The following MYOM1 variants were observed in gnomAD, a reference collection of about 807,000 sequenced individuals.
MYOM1 encodes the protein myomesin-1.
MYOM1 carries 164 observed loss-of-function variants against 205.3 expected under a neutral mutation model. That is an observed-to-expected ratio of 0.80 (90% CI 0.70 to 0.91). MYOM1 has a LOEUF of 0.91. MYOM1 is among the 40% of genes least tolerant of loss of function. The probability of loss-of-function intolerance (pLI) is 0.00; values close to 1 mark genes in which losing one functional copy is unlikely to be tolerated. For synonymous variants in MYOM1, 772 were observed against 789.4 expected (o/e 0.98, Z 0.37); for missense variants, 2,011 against 2,127.3 (o/e 0.95, Z 1.08).
At chr18:3,196,018 G>A (rs965613822) in intron 2 of MYOM1, among the ~76,000 whole-genome samples, 8 of 152,036 alleles carry the variant, frequency 5.3e-5, no homozygotes, top group African/African-American at 1.2e-4. Context: ...CTTAGAAAAC[G>A]CAAGATCTTC....
chr18:3,138,500 G>A (rs1404743889), intron 14 of MYOM1, among the ~76,000 whole-genome samples: 7 of 152,104 alleles, frequency 4.6e-5, no homozygotes, highest in East Asian at 3.9e-4. Context: ...TCTATGAAAC[G>A]AGCAAATTTG....
In MYOM1 at chr18:3,116,384, C is replaced by A; in HGVS notation, c.3250G>T (p.Glu1084Ter). 1.9e-6 allele frequency: 3 copies of A among 1,613,448 alleles called. No individual in the cohort carries two copies. Among genetic ancestry groups the A allele is most frequent in the Non-Finnish European group, 2.5e-6 (3 of 1,179,798 alleles). Residue 1084 changes from glutamate (E) to a stop codon, truncating the protein, a stop_gained, in exon 21 of 38, where the codon GAA (glutamate) becomes TAA (stop). Coordinates refer to ENST00000356443, the MANE Select transcript of MYOM1 (RefSeq NM_003803.4). LOFTEE classifies it high-confidence loss of function. ...FVDLKEAKAK[E>*]DQWRGLNEAA... ...TCATTGAGCCCTCGCCACTGGTCTT[C>A]TTTGGCCTTGGCCTCCTTCAAGTCC... is the stretch of plus-strand genomic sequence containing the variant.
At chr18:3,084,362 C>A (rs1301012672) in intron 31 of MYOM1, among the ~76,000 whole-genome samples, 1 of 151,888 alleles carries the variant, frequency 6.6e-6, no homozygotes, top group African/African-American at 2.4e-5. Context: ...CCTTAGTTTA[C>A]ATTAGAGGAC....
intron 23 of MYOM1, among the ~76,000 whole-genome samples, chr18:3,101,786 T>A (rs1205716879): frequency 3.9e-5 from 6 of 152,094 alleles, no homozygotes; most frequent in Non-Finnish European, 8.8e-5. Context: ...TCTAATAGCA[T>A]AAATGAGATA....
chr18:3,111,363 C>T (rs1309535795), intron 22 of MYOM1, among the ~76,000 whole-genome samples: 1 of 151,948 alleles, frequency 6.6e-6, no homozygotes. Flanking sequence ...GGACAATGAA[C>T]ACAGTAAACT....
intron 22 of MYOM1, among the ~76,000 whole-genome samples, chr18:3,106,299 C>T (rs931551737): frequency 6.6e-6 from 1 of 152,084 alleles, no homozygotes; most frequent in East Asian, 1.9e-4. Flanking sequence ...TAAAGCATTT[C>T]GAGATCTTTT....
chr18:3,107,208 C>G (rs376225069), intron 22 of MYOM1, among the ~76,000 whole-genome samples: 1 of 152,118 alleles, frequency 6.6e-6, no homozygotes. Flanking sequence ...ACCTCTGTCT[C>G]CTGGGTTCAA....
chr18:3,163,773 C>T (rs4798069), intron 10 of MYOM1, among the ~76,000 whole-genome samples: 56,031 of 151,816 alleles, frequency 0.37, 10,679 homozygotes, highest in African/African-American at 0.45. Context: ...TGGAAACGAA[C>T]ATATTCTTAT....
intron 36 of MYOM1, among the ~76,000 whole-genome samples, chr18:3,074,453 G>C (rs1329143744): frequency 1.3e-5 from 2 of 152,236 alleles, no homozygotes; most frequent in East Asian, 3.9e-4. Context: ...TACCATTTTA[G>C]CCTGTAACAA....
chr18:3,068,852 G>A (rs1166882212), intron 37 of MYOM1, among the ~76,000 whole-genome samples: 2 of 152,152 alleles, frequency 1.3e-5, no homozygotes, highest in Non-Finnish European at 2.9e-5. Context: ...GTGAGCATAA[G>A]CTGTCATTTC....
In MYOM1 at chr18:3,135,394, T is replaced by G; in HGVS notation, c.2209+153A>C. ...ACTTTTCATAAACAAAAATAATGAA[T>G]TTTTGTTTAATGTATAGGTTAAGTA... On this transcript the variant is annotated intron_variant, in intron 15 of 37. Coordinates refer to ENST00000356443, the MANE Select transcript of MYOM1 (RefSeq NM_003803.4). This position sits in a 1 kb window ranked among gnomAD's most constrained non-coding sequence, Gnocchi z 4.1. The G allele has an allele frequency of 1.7e-6, 1 of 589,184 alleles. No individual in the cohort carries two copies. Among genetic ancestry groups the G allele is most frequent in the Non-Finnish European group, 2.8e-6 (1 of 359,598 alleles). The allele number at this position is 589,184 out of a possible 1,614,324, so 36.5% of individuals were successfully genotyped here.
At chr18:3,237,741 T>TA in the MYOM1 span, among the ~76,000 whole-genome samples, 9 of 151,928 alleles carry the variant, frequency 5.9e-5, no homozygotes, top group African/African-American at 1.7e-4. Context: ...ATGAAATACT[T>TA]AGAGTGGCCA....
intron 5 of MYOM1, among the ~76,000 whole-genome samples, chr18:3,178,831 T>G (rs980577066): frequency 6.6e-6 from 1 of 152,176 alleles, no homozygotes; most frequent in African/African-American, 2.4e-5. Flanking sequence ...TTCTATTATG[T>G]TGCCAAACCT....
chr18:3,145,508 G>C (rs2080111890), intron 13 of MYOM1, among the ~76,000 whole-genome samples: 1 of 151,920 alleles, frequency 6.6e-6, no homozygotes, highest in African/African-American at 2.4e-5. Flanking sequence ...CAAATATTTA[G>C]TAACTAAATA....
chr18:3,079,261 G>GA lies in MYOM1; in HGVS notation c.4565_4566insT (p.Asn1524GlufsTer2). ...TGACATACTTCCCTTTGTCATTCGG[G>GA]GTGGGCTCGTTGATTTGTAGCCAGA... On this transcript the variant is annotated frameshift_variant, in exon 34 of 38. Coordinates refer to ENST00000356443, the MANE Select transcript of MYOM1 (RefSeq NM_003803.4). LOFTEE classifies it high-confidence loss of function. The GA allele has an allele frequency of 6.2e-7, 1 of 1,613,850 alleles. No individual in the cohort carries two copies. Among genetic ancestry groups the GA allele is most frequent in the Non-Finnish European group, 8.5e-7 (1 of 1,179,856 alleles).
chr18:3,089,255 A>G lies in MYOM1; in HGVS notation c.4070-14T>C, dbSNP rs754608612. On this transcript the variant is annotated splice_polypyrimidine_tract_variant and intron_variant, in intron 28 of 37. Coordinates refer to ENST00000356443, the MANE Select transcript of MYOM1 (RefSeq NM_003803.4). ...CAAAGTGAGGACCTATAAAATTTTAATGACATTAGCAATTACTCTATTAAT... is the reference window on the plus strand; with the variant it reads ...CAAAGTGAGGACCTATAAAATTTTAGTGACATTAGCAATTACTCTATTAAT... The G allele has an allele frequency of 1.4e-5, 22 of 1,600,976 alleles. No individual in the cohort carries two copies. Among genetic ancestry groups the G allele is most frequent in the Non-Finnish European group, 1.9e-5 (22 of 1,169,072 alleles).
chr18:3,087,910 G>A (rs553146838), intron 29 of MYOM1, among the ~76,000 whole-genome samples: 6 of 152,300 alleles, frequency 3.9e-5, no homozygotes, highest in South Asian at 4.1e-4. Flanking sequence ...AATGCGACAC[G>A]TGAGTGGCTA....
At chr18:3,188,720 T>C (rs2144148651) in intron 4 of MYOM1, 28 bp downstream of exon 4, 1 of 1,509,832 alleles carries the variant, frequency 6.6e-7, no homozygotes, top group East Asian at 2.3e-5. Flanking sequence ...TCCACCTTTG[T>C]AAGTTACTTT....
chr18:3,123,955 G>C (rs965764248), intron 19 of MYOM1, among the ~76,000 whole-genome samples: 2 of 151,072 alleles, frequency 1.3e-5, no homozygotes, highest in Admixed American at 6.6e-5. Context: ...CTGAGTAAAA[G>C]GTATAAAAGT....
Sources: gnomAD v4.1 joint callset for allele counts (sites outside exome capture counted in the v4.1 genomes callset) on GRCh38, gnomAD v4.1.1 for gene constraint, Gnocchi (gnomAD v3.1) non-coding constraint, MANE v1.5 for transcripts, NCBI Gene and HGNC (gene_info 2026-07-23, HGNC 2026-07-21) for gene names.